The following PTPN4 variants were observed in gnomAD, a reference collection of about 807,000 sequenced individuals.
PTPN4 encodes tyrosine-protein phosphatase non-receptor type 4.
A neutral mutation model predicts 135.5 loss-of-function variants in PTPN4; 49 were observed. The ratio of observed to expected loss-of-function variants is 0.36; its 90% CI spans 0.29 to 0.46. The LOEUF (loss-of-function observed/expected upper bound fraction) is 0.46. Among genes scored for constraint, PTPN4 ranks in the 20% least tolerant of loss-of-function variants. The pLI, the probability that PTPN4 is intolerant of heterozygous loss-of-function variation, is 1.00. For missense variants in PTPN4, 860 were observed against 1,101.0 expected (o/e 0.78, Z 3.10); for synonymous variants, 333 against 369.9 (o/e 0.90, Z 1.14).
intron 1 of PTPN4, among the ~76,000 whole-genome samples, chr2:119,785,430 A>G (rs1223681336): frequency 1.3e-5 from 2 of 152,186 alleles, no homozygotes; most frequent in Non-Finnish European, 2.9e-5. Flanking sequence ...CTGAATGACT[A>G]AGAGGTATAT....
intron 10 of PTPN4, among the ~76,000 whole-genome samples, chr2:119,910,068 C>T (rs971479084): frequency 6.6e-6 from 1 of 152,020 alleles, no homozygotes; most frequent in Non-Finnish European, 1.5e-5. Flanking sequence ...CATGATAAAG[C>T]AGCAGCTGGG....
intron 15 of PTPN4, 149 bp downstream of exon 15, chr2:119,935,107 T>C (rs1678962856): frequency 1.1e-6 from 1 of 916,110 alleles, no homozygotes; most frequent in Non-Finnish European, 1.6e-6. Flanking sequence ...GCTCATTTGT[T>C]CCTGAGAGTT....
chr2:119,773,466 G>A (rs746580420), intron 1 of PTPN4, among the ~76,000 whole-genome samples: 40 of 152,036 alleles, frequency 2.6e-4, no homozygotes, highest in African/African-American at 4.3e-4. Flanking sequence ...GGCTGGGCGC[G>A]GTGGCTCATG....
In PTPN4 at chr2:119,900,891, ATTTTAATG is replaced by A. The variant is rs1574395338; in HGVS notation, c.764+88_764+95del. 4 of 758,216 alleles carry A rather than the reference ATTTTAATG, an allele frequency of 5.3e-6. No homozygotes were observed. In the East Asian group the frequency reaches 1.3e-4, roughly 25 times the overall value. 47.0% of individuals were successfully genotyped at this position (758,216 alleles called of 1,614,324 possible). A position where few individuals can be genotyped will look rare whatever the true frequency, so the allele number is the denominator to read the frequency against. On this transcript the variant is annotated intron_variant, in intron 10 of 26. Coordinates refer to ENST00000263708, the MANE Select transcript of PTPN4 (RefSeq NM_002830.4). ...TATTAAAGGCAGTGGCTGTTGAACT[ATTTTAATG>A]TTGTCATTTTACTTGTGAGATAAAC...
At chr2:119,776,148 C>T (rs914043672) in intron 1 of PTPN4, among the ~76,000 whole-genome samples, 24 of 152,210 alleles carry the variant, frequency 1.6e-4, no homozygotes, top group Non-Finnish European at 3.2e-4. Context: ...GGTAGAAGAA[C>T]GATTGGTACC....
intron 26 of PTPN4, among the ~76,000 whole-genome samples, chr2:119,970,439 T>C (rs975198551): frequency 2.6e-5 from 4 of 151,992 alleles, no homozygotes; most frequent in African/African-American, 7.3e-5. Flanking sequence ...TTATTCCCAT[T>C]TCCCCTCATA....
intron 13 of PTPN4, among the ~76,000 whole-genome samples, chr2:119,930,024 A>AAGTTT (rs1459062483): frequency 1.3e-5 from 2 of 152,154 alleles, no homozygotes; most frequent in African/African-American, 4.8e-5. Flanking sequence ...CTTTATTTTA[A>AAGTTT]AAATCAAAGT....
intron 19 of PTPN4, among the ~76,000 whole-genome samples, chr2:119,952,366 T>C (rs1016634651): frequency 6.6e-6 from 1 of 152,132 alleles, no homozygotes; most frequent in South Asian, 2.1e-4. Flanking sequence ...GTTACTCAGA[T>C]CTTCCAATCT....
intron 10 of PTPN4, among the ~76,000 whole-genome samples, chr2:119,908,396 T>C (rs1678520393): frequency 6.6e-6 from 1 of 152,210 alleles, no homozygotes; most frequent in Admixed American, 6.5e-5. Context: ...CTTTGTGTCA[T>C]ATTTTGGTAG....
At chr2:119,848,073 G>A (rs926874648) in intron 2 of PTPN4, among the ~76,000 whole-genome samples, 3 of 149,924 alleles carry the variant, frequency 2.0e-5, no homozygotes, top group Non-Finnish European at 4.5e-5. Context: ...TGCATTTATT[G>A]TACTTACAGT....
intron 1 of PTPN4, among the ~76,000 whole-genome samples, chr2:119,775,524 G>T (rs1413021561): frequency 6.6e-6 from 1 of 152,144 alleles, no homozygotes; most frequent in Non-Finnish European, 1.5e-5. Context: ...TTCTAATTCA[G>T]ACTCCAGATT....
chr2:119,793,285 G>A (rs1691184478), intron 1 of PTPN4, among the ~76,000 whole-genome samples: 1 of 152,168 alleles, frequency 6.6e-6, no homozygotes, highest in African/African-American at 2.4e-5. Flanking sequence ...AGAATTCAGC[G>A]ATGTTTCTCT....
At chr2:119,855,259 C>A (rs1344677988) in intron 2 of PTPN4, among the ~76,000 whole-genome samples, 4 of 152,126 alleles carry the variant, frequency 2.6e-5, no homozygotes, top group Admixed American at 2.6e-4. Context: ...CAAGATAATG[C>A]AGTTTCCAGA....
intron 9 of PTPN4, among the ~76,000 whole-genome samples, chr2:119,889,034 ATTTC>A (rs1678200310): frequency 6.6e-6 from 1 of 151,886 alleles, no homozygotes; most frequent in South Asian, 2.1e-4. Context: ...CAGGTTTTCT[ATTTC>A]TTCTTGATTC....
At chr2:119,923,369 C>T (rs1010141967) in intron 12 of PTPN4, among the ~76,000 whole-genome samples, 2 of 152,186 alleles carry the variant, frequency 1.3e-5, no homozygotes, top group Middle Eastern at 3.2e-3. Context: ...AAGACCCTGT[C>T]TCTAAACAAC....
intron 23 of PTPN4, 53 bp from the exon 24 acceptor site, chr2:119,962,563 C>A: frequency 9.8e-7 from 1 of 1,016,860 alleles, no homozygotes; most frequent in Non-Finnish European, 1.3e-6. Context: ...AATTGGAGAA[C>A]ATGAATCCAT....
intron 19 of PTPN4, 24 bp from the exon 20 acceptor site, chr2:119,955,133 G>A: frequency 1.3e-6 from 2 of 1,564,056 alleles, no homozygotes; most frequent in African/African-American, 1.4e-5. Flanking sequence ...ACGTTTTGGG[G>A]TTTGTTTGAT....
At chr2:119,834,556 T>A (rs1238643328) in intron 2 of PTPN4, among the ~76,000 whole-genome samples, 1 of 152,050 alleles carries the variant, frequency 6.6e-6, no homozygotes, top group East Asian at 1.9e-4. Flanking sequence ...TACAAAGCAA[T>A]TGTATATTGT....
chr2:119,830,691 C>T (rs558059284), intron 2 of PTPN4, among the ~76,000 whole-genome samples: 67 of 152,222 alleles, frequency 4.4e-4, no homozygotes, highest in Admixed American at 4.1e-3. Context: ...TGGTCTCGAG[C>T]TCCTGACCTC....
Sources: gnomAD v4.1 joint callset for allele counts (sites outside exome capture counted in the v4.1 genomes callset) on GRCh38, gnomAD v4.1.1 for gene constraint, MANE v1.5 for transcripts, NCBI Gene and HGNC (gene_info 2026-07-23, HGNC 2026-07-21) for gene names.